The following STOX2 variants were observed in gnomAD, a reference collection of about 807,000 sequenced individuals.
STOX2 encodes storkhead box 2.
In STOX2, 28 loss-of-function variants were observed where a neutral mutation model predicts 60.9. That is an observed-to-expected ratio of 0.46 (90% CI 0.34 to 0.63). The LOEUF is 0.63. Ranked by LOEUF, STOX2 falls within the 30% of genes least tolerant of loss-of-function variation. The pLI is 0.01. For missense variants in STOX2, 1,024 were observed against 1,187.7 expected (o/e 0.86, Z 2.03); for synonymous variants, 472 against 463.9 (o/e 1.02, Z -0.22).
At chr4:183,955,628 C>G (rs137915692) in intron 1 of STOX2, among the ~76,000 whole-genome samples, 2 of 152,342 alleles carry the variant, frequency 1.3e-5, no homozygotes, top group East Asian at 3.9e-4. Context: ...TTCTAGGCCC[C>G]ATGTCTTCCT....
chr4:183,959,446 A>C (rs1743350874), intron 1 of STOX2, among the ~76,000 whole-genome samples: 2 of 152,088 alleles, frequency 1.3e-5, no homozygotes, highest in Non-Finnish European at 2.9e-5. Flanking sequence ...TTTTCTTTCC[A>C]TGGTTTTTCC....
intron 1 of STOX2, among the ~76,000 whole-genome samples, chr4:183,839,925 G>A (rs1739811224): frequency 6.6e-6 from 1 of 152,132 alleles, no homozygotes; most frequent in South Asian, 2.1e-4. Flanking sequence ...TTTGGCCAAC[G>A]CTCTAAGGGT....
intron 1 of STOX2, among the ~76,000 whole-genome samples, chr4:183,980,404 C>T (rs2309950): frequency 0.19 from 28,802 of 152,132 alleles, 3,485 homozygotes; most frequent in Middle Eastern, 0.31. Flanking sequence ...CACAACAGTC[C>T]GGATACTGTT....
At chr4:183,972,810 C>T (rs1743782582) in intron 1 of STOX2, among the ~76,000 whole-genome samples, 1 of 152,078 alleles carries the variant, frequency 6.6e-6, no homozygotes, top group Non-Finnish European at 1.5e-5. Flanking sequence ...GTAACAGTTG[C>T]AAATACTGAG....
At chr4:183,929,576 A>G (rs1742350622) in intron 1 of STOX2, among the ~76,000 whole-genome samples, 2 of 152,216 alleles carry the variant, frequency 1.3e-5, no homozygotes, top group African/African-American at 2.4e-5. Context: ...ATCTCTGGCC[A>G]TGGATCACAC....
chr4:183,986,618 G>A (rs2111194876), intron 1 of STOX2, among the ~76,000 whole-genome samples: 1 of 152,394 alleles, frequency 6.6e-6, no homozygotes, highest in Middle Eastern at 3.4e-3. Context: ...CTAGAGAAGA[G>A]CTGATCTGGG....
At chr4:184,004,834 A>C (rs1352684859) in intron 2 of STOX2, among the ~76,000 whole-genome samples, 1 of 152,192 alleles carries the variant, frequency 6.6e-6, no homozygotes, top group Non-Finnish European at 1.5e-5. Context: ...GATCATTTAA[A>C]TTGGTGGTCT....
At chr4:184,002,644 A>C (rs114727121) in intron 2 of STOX2, among the ~76,000 whole-genome samples, 2,115 of 152,336 alleles carry the variant, frequency 0.014, 34 homozygotes, top group Middle Eastern at 0.048. Context: ...GCACAAGCCC[A>C]TGGCACGAAG....
At chr4:183,820,821 G>A (rs527489113) in intron 1 of STOX2, among the ~76,000 whole-genome samples, 1 of 152,124 alleles carries the variant, frequency 6.6e-6, no homozygotes, top group South Asian at 2.1e-4. Flanking sequence ...AAGCTAAGGA[G>A]TGTTTTGGCA....
intron 1 of STOX2, among the ~76,000 whole-genome samples, chr4:183,921,974 T>C: frequency 6.6e-6 from 1 of 152,214 alleles, no homozygotes; most frequent in East Asian, 1.9e-4. Flanking sequence ...ACTCGTAAAA[T>C]GAAAAAGGTC....
At position 183,825,773 on chromosome 4, in the gene STOX2, T is replaced by G. The variant is rs1340159915; in HGVS notation, c.364+27718T>G. Among the ~76,000 whole-genome samples the G allele has an allele frequency of 6.6e-6, 1 of 152,070 alleles. No individual in the cohort carries two copies. The highest frequency in any genetic ancestry group is 1.5e-5 in the Non-Finnish European group (1 of 68,008). On this transcript the variant is annotated intron_variant, in intron 1 of 2. Coordinates refer to the STOX2 transcript ENST00000513034. This position sits in a 1 kb window ranked among gnomAD's most constrained non-coding sequence, Gnocchi z 4.1. Reference sequence around the variant, plus strand: ...GGACTTTGCCGGGGAGGGGTTCAGATTTAATGCTTCGAGCAGTGGAAAGCT... The same window carrying G: ...GGACTTTGCCGGGGAGGGGTTCAGAGTTAATGCTTCGAGCAGTGGAAAGCT...
chr4:183,960,823 T>A (rs1743391823), intron 1 of STOX2, among the ~76,000 whole-genome samples: 1 of 152,230 alleles, frequency 6.6e-6, no homozygotes, highest in African/African-American at 2.4e-5. Context: ...TTTCATTAAT[T>A]GACCATAATA....
intron 1 of STOX2, among the ~76,000 whole-genome samples, chr4:183,941,005 T>C (rs1275090639): frequency 1.3e-5 from 2 of 152,220 alleles, no homozygotes; most frequent in Non-Finnish European, 2.9e-5. Flanking sequence ...AGATCTGTGG[T>C]GTGGCCAACC....
At chr4:184,005,129 C>CA (rs1325299848) in intron 2 of STOX2, among the ~76,000 whole-genome samples, 3 of 152,164 alleles carry the variant, frequency 2.0e-5, no homozygotes, top group Admixed American at 6.5e-5. Context: ...TCCATGTGCT[C>CA]ACTGTTCTGA....
chr4:183,836,424 T>A lies in STOX2; in HGVS notation c.364+38369T>A, dbSNP rs1003007079. The stretch of plus-strand genomic sequence containing the variant: ...TAGGCTGTTTTATGCTGAAATAACG[T>A]CTCAGTGGCTTAACACATTAAGCCT... On this transcript the variant is annotated intron_variant, in intron 1 of 2. Transcript: ENST00000513034. The surrounding 1 kb of genome is among the most constrained non-coding windows in gnomAD (Gnocchi z 4.1). Among the ~76,000 whole-genome samples the A allele has an allele frequency of 6.6e-6, 1 of 152,152 alleles. No homozygotes were observed. Among genetic ancestry groups the A allele is most frequent in the African/African-American group, 2.4e-5 (1 of 41,414 alleles).
intron 2 of STOX2, among the ~76,000 whole-genome samples, chr4:184,006,787 C>T (rs578159766): frequency 3.0e-4 from 45 of 150,430 alleles, no homozygotes; most frequent in South Asian, 1.7e-3. Context: ...GAGGCCGAGG[C>T]GGGCGGATCA....
rs184640204 is a variant in STOX2, at chr4:183,926,548, G to A, written c.166+19592G>A. The stretch of plus-strand genomic sequence containing the variant: ...ATGGCAGAGCTAGGATTCAAATCTG[G>A]ATCTGCTAACTTTTCTTAGGACGAA... On this transcript the variant is annotated intron_variant, in intron 1 of 3. Transcript: ENST00000308497. Among the ~76,000 whole-genome samples the A allele has an allele frequency of 4.6e-5, 7 of 152,212 alleles. 1 individual carries two copies. The East Asian group carries it at 7.7e-4, about 17-fold the overall frequency.
At chr4:183,841,476 G>A (rs991529711) in intron 1 of STOX2, among the ~76,000 whole-genome samples, 1 of 152,086 alleles carries the variant, frequency 6.6e-6, no homozygotes, top group Non-Finnish European at 1.5e-5. Flanking sequence ...GCCTCCCAAA[G>A]TTCTGGGATT....
intron 1 of STOX2, among the ~76,000 whole-genome samples, chr4:183,877,126 T>C (rs537064722): frequency 1.3e-5 from 2 of 152,192 alleles, no homozygotes; most frequent in South Asian, 4.2e-4. Flanking sequence ...ACTAAAAAAA[T>C]TATATGTGGG....
Sources: gnomAD v4.1 joint callset for allele counts (sites outside exome capture counted in the v4.1 genomes callset) on GRCh38, gnomAD v4.1.1 for gene constraint, Gnocchi (gnomAD v3.1) non-coding constraint, MANE v1.5 for transcripts, NCBI Gene and HGNC (gene_info 2026-07-23, HGNC 2026-07-21) for gene names.